Variants in SLC7A8 observed in about 807,000 individuals in gnomAD.
SLC7A8 encodes solute carrier family 7 member 8, also known as large neutral amino acids transporter small subunit 2.
A neutral mutation model predicts 51.2 loss-of-function variants in SLC7A8; 30 were observed. The observed-to-expected ratio is 0.59, with a 90% confidence interval of 0.44 to 0.80. SLC7A8 has a LOEUF of 0.80. SLC7A8 is among the 30% of genes least tolerant of loss of function. The pLI is 0.00. For missense variants in SLC7A8, 612 were observed against 674.4 expected (o/e 0.91, Z 1.03); for synonymous variants, 257 against 275.8 (o/e 0.93, Z 0.67).
chr14:23,181,183 A>C (rs1877160200), intron 1 of SLC7A8, among the ~76,000 whole-genome samples: 1 of 152,144 alleles, frequency 6.6e-6, no homozygotes, highest in South Asian at 2.1e-4. Flanking sequence ...TGTCAGTCAA[A>C]TTGGTGAACG....
intron 1 of SLC7A8, among the ~76,000 whole-genome samples, chr14:23,180,731 A>G (rs73600427): frequency 0.018 from 2,705 of 152,310 alleles, 30 homozygotes; most frequent in Middle Eastern, 0.082. Context: ...CCATTTCTTC[A>G]TAATCTTAGA....
intron 1 of SLC7A8, among the ~76,000 whole-genome samples, chr14:23,173,959 C>G (rs1388673046): frequency 6.6e-6 from 1 of 152,174 alleles, no homozygotes; most frequent in Non-Finnish European, 1.5e-5. Context: ...TTAAATACTC[C>G]ACAAGAAACT....
chr14:23,164,991 C>CA (rs34297545), intron 3 of SLC7A8, among the ~76,000 whole-genome samples: 21,595 of 133,838 alleles, frequency 0.16, 1,690 homozygotes, highest in East Asian at 0.36. Flanking sequence ...GACCCTGCCT[C>CA]AAAAAAAAAA....
intron 3 of SLC7A8, among the ~76,000 whole-genome samples, chr14:23,153,505 T>C (rs1261611673): frequency 6.6e-6 from 1 of 152,202 alleles, no homozygotes; most frequent in Non-Finnish European, 1.5e-5. Flanking sequence ...ACTCTGGGTC[T>C]GTCACCAAGA....
At chr14:23,161,428 T>A (rs1333861133) in intron 3 of SLC7A8, among the ~76,000 whole-genome samples, 1 of 152,012 alleles carries the variant, frequency 6.6e-6, no homozygotes, top group Non-Finnish European at 1.5e-5. Context: ...GTCATCAGCA[T>A]GTCGCCACAG....
Position 23,171,010 on chromosome 14 carries a change from C to T in SLC7A8, c.152-4470G>A, listed in dbSNP as rs1594840410. ...TCCTAAAGTGCTGAGATTACAGGCA[C>T]GAGCCATCCTGCCCGGCCAACACAC... On this transcript the variant is annotated intron_variant, in intron 1 of 10. Transcript: ENST00000316902. Among the ~76,000 whole-genome samples, 4 of 152,086 alleles carry T rather than the reference C, an allele frequency of 2.6e-5. No individual in the cohort carries two copies. In the East Asian group the frequency reaches 5.8e-4, roughly 22 times the overall value.
chr14:23,138,935 T>A (rs1321508629), intron 6 of SLC7A8, among the ~76,000 whole-genome samples: 1 of 152,120 alleles, frequency 6.6e-6, no homozygotes, highest in Non-Finnish European at 1.5e-5. Context: ...CCTTCTTAGA[T>A]GTGAAGGATC....
rs112611941 is a variant in SLC7A8, at chr14:23,131,049, C to T, written c.1113+412G>A. Among the ~76,000 whole-genome samples the T allele has an allele frequency of 5.2e-3, 788 of 152,336 alleles. 8 individuals carry two copies. Among genetic ancestry groups the T allele is most frequent in the African/African-American group, 0.018 (737 of 41,566 alleles). On this transcript the variant is annotated intron_variant, in intron 8 of 10. Transcript: ENST00000316902. ...TGTTTCCCAAGAGACTGGCAGGCTG[C>T]CCTGAAGCTTGATGGGGGAAGTGGG...
At chr14:23,136,659 G>C (rs1332357332) in intron 7 of SLC7A8, among the ~76,000 whole-genome samples, 1 of 152,168 alleles carries the variant, frequency 6.6e-6, no homozygotes, top group African/African-American at 2.4e-5. Flanking sequence ...ATCGGAGGTG[G>C]AGCACACCAT....
Position 23,127,296 on chromosome 14 carries a change from C to T in SLC7A8, c.1489G>A (p.Glu497Lys), listed in dbSNP as rs753170001. The stretch of plus-strand genomic sequence containing the variant: ...TCTGTCCCTGAGCCCCGCTCCACCT[C>T]GGGGTACACGACCACACACATCTTC... ...SQKMCVVVYP[E>K]VERGSGTEEA... is the part of the protein sequence containing the mutation. The change falls in exon 11 of 11, where the codon GAG becomes AAG. Residue 497 changes from glutamate (E) to lysine (K), a missense_variant. Coordinates refer to ENST00000316902, the MANE Select transcript of SLC7A8 (RefSeq NM_012244.4). 77 of 1,613,986 alleles carry T rather than the reference C, an allele frequency of 4.8e-5. 1 individual carries two copies. Among genetic ancestry groups the T allele is most frequent in the South Asian group, 2.2e-4 (20 of 91,094 alleles).
intron 6 of SLC7A8, among the ~76,000 whole-genome samples, chr14:23,138,444 A>G (rs1889368320): frequency 6.6e-6 from 1 of 152,176 alleles, no homozygotes; most frequent in South Asian, 2.1e-4. Context: ...TGTCAGGCAG[A>G]TCTGTCAGGC....
chr14:23,160,932 A>C (rs1474512409), intron 3 of SLC7A8, among the ~76,000 whole-genome samples: 2 of 144,408 alleles, frequency 1.4e-5, no homozygotes, highest in African/African-American at 5.0e-5. Context: ...TTTAATTAAA[A>C]TGTAAAATAC....
intron 1 of SLC7A8, among the ~76,000 whole-genome samples, chr14:23,175,844 T>G (rs1566375062): frequency 1.3e-5 from 2 of 152,218 alleles, no homozygotes; most frequent in Non-Finnish European, 2.9e-5. Context: ...ATCTAGGCTC[T>G]ACCATCACCT....
intron 7 of SLC7A8, among the ~76,000 whole-genome samples, chr14:23,131,825 T>A (rs1489619666): frequency 6.6e-6 from 1 of 152,178 alleles, no homozygotes; most frequent in East Asian, 1.9e-4. Context: ...GGGTTACTGA[T>A]AATTGTACTG....
At chr14:23,150,649 A>G (rs1164962518) in intron 3 of SLC7A8, among the ~76,000 whole-genome samples, 2 of 152,200 alleles carry the variant, frequency 1.3e-5, no homozygotes, top group Non-Finnish European at 2.9e-5. Flanking sequence ...ATGTTAAATG[A>G]TTATTTTTAT....
At position 23,167,452 on chromosome 14, in the gene SLC7A8, C is replaced by A. The variant is rs537119505; in HGVS notation, c.152-912G>T. Among the ~76,000 whole-genome samples the A allele has an allele frequency of 6.1e-4, 93 of 152,222 alleles. 1 individual carries two copies. The highest frequency in any genetic ancestry group is 6.8e-3 in the Middle Eastern group (2 of 294). On this transcript the variant is annotated intron_variant, in intron 1 of 10. Transcript: ENST00000316902. ...GGATCTAGAAGTCAGTCTCCTGATA[C>A]TTAATCCGGCAATCTTTCCACTAAT... is the stretch of plus-strand genomic sequence containing the variant.
rs2048945696 is a variant in SLC7A8 at position 23,165,612 on chromosome 14, A to AGTG, written c.357-177_357-176insCAC. Among the ~76,000 whole-genome samples the AGTG allele has an allele frequency of 6.6e-6, 1 of 152,140 alleles. No homozygotes were observed. The highest frequency in any genetic ancestry group is 1.5e-5 in the Non-Finnish European group (1 of 68,052). On this transcript the variant is annotated intron_variant, in intron 2 of 10. Transcript: ENST00000316902. The surrounding 1 kb of genome is among the most constrained non-coding windows in gnomAD (Gnocchi z 4.2). Reference sequence around the variant, plus strand: ...CTCTGCAGTGACAATAAAATGGTTTAATGAAGAGTTAAATTTCCACAAGCA... The same window carrying AGTG: ...CTCTGCAGTGACAATAAAATGGTTTAGTGATGAAGAGTTAAATTTCCACAAGCA...
At chr14:23,182,408 G>T (rs1877220194) in intron 1 of SLC7A8, among the ~76,000 whole-genome samples, 1 of 152,102 alleles carries the variant, frequency 6.6e-6, no homozygotes, top group Non-Finnish European at 1.5e-5. Context: ...ATACAAACTT[G>T]TTCAGGTCCC....
chr14:23,150,973 C>T (rs1434578371), intron 3 of SLC7A8, among the ~76,000 whole-genome samples: 5 of 152,184 alleles, frequency 3.3e-5, no homozygotes, highest in African/African-American at 7.2e-5. Context: ...CACAGGCTAA[C>T]GCACTGGACC....
Sources: allele counts gnomAD v4.1 joint callset (sites outside exome capture counted in the v4.1 genomes callset), GRCh38; gene constraint gnomAD v4.1.1; non-coding constraint Gnocchi (gnomAD v3.1); transcripts MANE v1.5; gene names NCBI Gene and HGNC (gene_info 2026-07-23, HGNC 2026-07-21).